VPS50: variants seen among roughly 807,000 people sequenced by gnomAD.
The protein encoded by VPS50 is syndetin.
A neutral mutation model predicts 139.7 loss-of-function variants in VPS50; 70 were observed. That is an observed-to-expected ratio of 0.50 (90% confidence interval 0.41 to 0.61). VPS50 has a LOEUF of 0.61. Ranked by LOEUF, VPS50 falls within the 20% of genes least tolerant of loss-of-function variation. The probability of loss-of-function intolerance (pLI) is 0.00; values close to 1 mark genes in which losing one functional copy is unlikely to be tolerated. For missense variants in VPS50, 921 were observed against 1,133.7 expected, an observed-to-expected ratio of 0.81 and a Z score of 2.69; for synonymous variants, 365 against 376.7, an observed-to-expected ratio of 0.97 and a Z score of 0.36.
At chr7:93,353,518 T>C (rs1433161286) in intron 25 of VPS50, 122 bp from the exon 26 acceptor site, 1 of 1,097,440 alleles carries the variant, frequency 9.1e-7, no homozygotes, top group Non-Finnish European at 1.3e-6. Context: ...GCATTATCTT[T>C]TTTGATTTTA....
Position 93,353,686 on chromosome 7 carries a change from T to G in VPS50, c.2510T>G (p.Val837Gly). Residue 837 changes from valine to glycine, a missense_variant, in exon 26 of 28, where the codon GTT (valine) becomes GGT (glycine). Physicochemically the swap from Val to Gly is moderately radical, Grantham distance 109. Transcript: ENST00000305866. Reference protein sequence around the residue: ...NRRLNEVSKRVRIPLPVSNIL... With the variant: ...NRRLNEVSKRGRIPLPVSNIL... ...AGGCTAAATGAAGTTTCTAAGAGAGTTCGCATACCCTTGCCTGTGTCTAAT... is the reference window on the plus strand; with the variant it reads ...AGGCTAAATGAAGTTTCTAAGAGAGGTCGCATACCCTTGCCTGTGTCTAAT... 3.7e-6 allele frequency: 6 copies of G among 1,613,060 alleles called. No homozygotes were observed. Among genetic ancestry groups the G allele is most frequent in the Non-Finnish European group, 5.1e-6 (6 of 1,179,236 alleles).
intron 2 of VPS50, among the ~76,000 whole-genome samples, chr7:93,241,036 C>T (rs1388743600): frequency 6.6e-6 from 1 of 152,038 alleles, no homozygotes; most frequent in Non-Finnish European, 1.5e-5. Context: ...AGCCATAAAT[C>T]CTAATTAATT....
chr7:93,260,025 G>A (rs1395814456), intron 9 of VPS50, among the ~76,000 whole-genome samples: 1 of 152,108 alleles, frequency 6.6e-6, no homozygotes, highest in Non-Finnish European at 1.5e-5. Context: ...AGATCCAGAT[G>A]GTTCAAGTGT....
At chr7:93,342,702 G>A (rs1798257512) in intron 23 of VPS50, among the ~76,000 whole-genome samples, 2 of 152,316 alleles carry the variant, frequency 1.3e-5, no homozygotes, top group Middle Eastern at 3.4e-3. Flanking sequence ...GAACTGGGAG[G>A]CACCCCCCAG....
rs374376013 is a variant in VPS50, at chr7:93,239,948, C to T, written c.102+14C>T. 2.8e-4 allele frequency: 412 copies of T among 1,490,098 alleles called. 3 individuals are homozygous for T. In the Middle Eastern group the frequency reaches 6.4e-3, roughly 23 times the overall value. The allele number at this position is 1,490,098 out of a possible 1,614,324, so 92.3% of individuals were successfully genotyped here. ...GTCCCTGGAAAGGTATTGAGCTACA[C>T]GTGTGAGCGTGACTTTTTACTTCCT... is the stretch of plus-strand genomic sequence containing the variant. On this transcript the variant is annotated intron_variant, in intron 2 of 27. Coordinates refer to ENST00000305866, the MANE Select transcript of VPS50 (RefSeq NM_017667.4).
In VPS50 at chr7:93,334,193, A is replaced by T; in HGVS notation, c.2054A>T (p.Asp685Val). The T allele has an allele frequency of 6.6e-7, 1 of 1,505,364 alleles. No homozygotes were observed. Among genetic ancestry groups the T allele is most frequent in the Non-Finnish European group, 9.2e-7 (1 of 1,089,914 alleles). The allele number at this position is 1,505,364 out of a possible 1,614,324, so 93.3% of individuals were successfully genotyped here. Residue 685 changes from aspartate (D) to valine (V), a missense_variant, in exon 22 of 28, where the codon GAT becomes GTT. Physicochemically the swap from Asp to Val is radical, Grantham distance 152. Around this residue, in one of 3 missense-constraint regions of VPS50, gnomAD observed 744 missense variants for 930.6 expected, o/e 0.80. Coordinates refer to ENST00000305866, the MANE Select transcript of VPS50 (RefSeq NM_017667.4). ...TLNRIQESLIDLEVSADPTAT... is the reference protein window; with the variant it reads ...TLNRIQESLIVLEVSADPTAT... ...AACAGAATACAAGAAAGCCTTATTG[A>T]TCTAGTAAGTAACGAATTGGAATAA...
In VPS50 at chr7:93,258,270, A is replaced by G; in HGVS notation, c.534A>G (p.Lys178=). ...TTCTGAAATCTCTGAGAACTATAAA[A>G]ACATTGGTATATATGGGTCATTTAA... is the stretch of plus-strand genomic sequence containing the variant. The part of the protein sequence containing the change: ...IGLLKSLRTI[K]TLQRTDVRLS... Residue 178 remains lysine (K), a synonymous_variant, in exon 7 of 28, where the codon AAA becomes AAG. Transcript: ENST00000305866. The G allele has an allele frequency of 6.3e-7, 1 of 1,577,420 alleles. No homozygotes were observed. Among genetic ancestry groups the G allele is most frequent in the Non-Finnish European group, 8.7e-7 (1 of 1,147,046 alleles).
In VPS50 at chr7:93,323,593, ATTC is replaced by A. The variant is rs773211141; in HGVS notation, c.1856-15_1856-13del. The A allele has an allele frequency of 8.8e-6, 10 of 1,140,548 alleles. No individual in the cohort carries two copies. The highest frequency in any genetic ancestry group is 1.2e-5 in the Non-Finnish European group (10 of 846,920). The allele number at this position is 1,140,548 out of a possible 1,614,324, so 70.7% of individuals were successfully genotyped here. On this transcript the variant is annotated splice_polypyrimidine_tract_variant and intron_variant, in intron 20 of 27. Coordinates refer to ENST00000305866, the MANE Select transcript of VPS50 (RefSeq NM_017667.4). Reference sequence around the variant, plus strand: ...TTAATTTTGTTCTGCTTAATTTTTTATTCTTTTTTCTTTTCAGGAAAATATATG... The same window carrying A: ...TTAATTTTGTTCTGCTTAATTTTTTATTTTTTCTTTTCAGGAAAATATATG...
At chr7:93,340,312 T>A (rs1327095291) in intron 22 of VPS50, among the ~76,000 whole-genome samples, 2 of 152,206 alleles carry the variant, frequency 1.3e-5, no homozygotes, top group African/African-American at 2.4e-5. Context: ...AAGTTAAATA[T>A]TGAAATATTT....
At chr7:93,257,063 T>G (rs1446536116) in intron 5 of VPS50, among the ~76,000 whole-genome samples, 1 of 152,104 alleles carries the variant, frequency 6.6e-6, no homozygotes, top group African/African-American at 2.4e-5. Context: ...TTTAATTACC[T>G]TGTGAAGTTC....
intron 2 of VPS50, among the ~76,000 whole-genome samples, chr7:93,251,274 C>A (rs1386966324): frequency 6.6e-6 from 1 of 152,084 alleles, no homozygotes; most frequent in Non-Finnish European, 1.5e-5. Flanking sequence ...TTGGAAGCAA[C>A]CCAAATGCCC....
intron 16 of VPS50, among the ~76,000 whole-genome samples, chr7:93,300,164 T>C (rs1796935918): frequency 6.6e-6 from 1 of 152,114 alleles, no homozygotes. Flanking sequence ...TTTGAAGAAA[T>C]TATATGTCTT....
intron 2 of VPS50, among the ~76,000 whole-genome samples, chr7:93,251,679 A>C (rs938155040): frequency 5.3e-5 from 8 of 152,302 alleles, no homozygotes; most frequent in African/African-American, 1.7e-4. Flanking sequence ...AAAGTGAAAA[A>C]AGAAAAATAT....
In VPS50 at chr7:93,260,673, G is replaced by GT. The variant is rs1795640362; in HGVS notation, c.659+1048dup. ...TAAAATGTGCAGATTGAAGTTACAT[G>GT]TTTTTTTGTTTGTTTGTTTGTTTGT... is the stretch of plus-strand genomic sequence containing the variant. On this transcript the variant is annotated intron_variant, in intron 9 of 27. Transcript: ENST00000305866. Among the ~76,000 whole-genome samples the GT allele has an allele frequency of 7.4e-5, 11 of 148,146 alleles. No individual in the cohort carries two copies. In the South Asian group the frequency reaches 2.4e-3, roughly 32 times the overall value.
chr7:93,235,503 G>A (rs1222166584), intron 1 of VPS50, among the ~76,000 whole-genome samples: 2 of 152,146 alleles, frequency 1.3e-5, no homozygotes, highest in Non-Finnish European at 2.9e-5. Flanking sequence ...AGGTGAGAGG[G>A]TGGGTGTAAG....
chr7:93,351,709 A>G (rs981245131), intron 25 of VPS50, among the ~76,000 whole-genome samples: 2 of 152,134 alleles, frequency 1.3e-5, no homozygotes, highest in African/African-American at 4.8e-5. Context: ...CCACCTCCCA[A>G]TACCATCACC....
chr7:93,271,499 A>G (rs965277915), intron 10 of VPS50, among the ~76,000 whole-genome samples: 3 of 151,838 alleles, frequency 2.0e-5, no homozygotes, highest in African/African-American at 7.2e-5. Context: ...AAAAATTTCC[A>G]AACTATTAGT....
intron 2 of VPS50, among the ~76,000 whole-genome samples, chr7:93,243,182 T>C (rs1173103211): frequency 6.6e-6 from 1 of 151,946 alleles, no homozygotes; most frequent in African/African-American, 2.4e-5. Flanking sequence ...TATAGAAAAG[T>C]AGAAAACATT....
At chr7:93,296,106 A>G (rs563301319) in intron 14 of VPS50, among the ~76,000 whole-genome samples, 10 of 152,270 alleles carry the variant, frequency 6.6e-5, no homozygotes, top group African/African-American at 2.2e-4. Flanking sequence ...TTCATGAATC[A>G]GTTAATATTT....
Sources: gnomAD v4.1 joint callset for allele counts (sites outside exome capture counted in the v4.1 genomes callset) on GRCh38, gnomAD v4.1.1 for gene constraint, gnomAD v4.1.1 regional missense constraint, MANE v1.5 for transcripts, NCBI Gene and HGNC (gene_info 2026-07-23, HGNC 2026-07-21) for gene names.